CYP4F2: variants seen among roughly 807,000 people sequenced by gnomAD.
The protein encoded by CYP4F2 is cytochrome P450 family 4 subfamily F member 2.
Under a neutral mutation model 58.9 loss-of-function variants are expected in CYP4F2, and 58 were observed. That is an observed-to-expected ratio of 0.98 (90% CI 0.80 to 1.23). The LOEUF (loss-of-function observed/expected upper bound fraction) is 1.23. Among genes scored for constraint, CYP4F2 ranks in the 50% most tolerant of loss-of-function variants. CYP4F2 has a pLI of 0.00. For synonymous variants in CYP4F2, 287 were observed against 261.1 expected, an observed-to-expected ratio of 1.10 and a Z score of -0.95; for missense variants, 616 against 685.6, an observed-to-expected ratio of 0.90 and a Z score of 1.13.
chr19:15,886,554 T>C (rs1458275421), intron 7 of CYP4F2: 4 of 443,488 alleles, frequency 9.0e-6, no homozygotes, highest in Admixed American at 7.7e-5. Flanking sequence ...GACCCATGAA[T>C]ATTTTAATGA....
Position 15,878,875 on chromosome 19 carries a change from G to C in CYP4F2, c.1459C>G (p.Leu487Val). The part of the protein sequence containing the change: ...EMKVVLALTL[L>V]RFRVLPDHTE... The stretch of plus-strand genomic sequence containing the variant: ...TGGTCAGGCAGGACGCGGAAGCGCA[G>C]CAGCGTGAGCGCCAGGACCACCTTC... Residue 487 changes from leucine to valine, a missense_variant, in exon 13 of 13, where the codon CTG becomes GTG. Transcript: ENST00000221700. The C allele has an allele frequency of 1.2e-6, 2 of 1,614,028 alleles. No homozygotes were observed. Among genetic ancestry groups the C allele is most frequent in the Non-Finnish European group, 1.7e-6 (2 of 1,180,002 alleles).
rs777110454 is a variant in CYP4F2, at chr19:15,879,769, G to T, written c.1244C>A (p.Pro415His). The stretch of plus-strand genomic sequence containing the variant: ...CCCCGTGAGGCTGTGAGCACCTTTG[G>T]GGATGACCCGGCCGTCTGGGAGCAC... Reference protein sequence around the residue: ...DIVLPDGRVIPKGIICLISVF... With the variant: ...DIVLPDGRVIHKGIICLISVF... The change falls in exon 10 of 13, where the codon CCC becomes CAC. Residue 415 changes from proline to histidine, a missense_variant. Physicochemically the swap from Pro to His is moderately conservative, Grantham distance 77 (BLOSUM62 -2). Coordinates refer to ENST00000221700, the MANE Select transcript of CYP4F2 (RefSeq NM_001082.5). The T allele has an allele frequency of 9.9e-6, 16 of 1,614,022 alleles. No homozygotes were observed. Among genetic ancestry groups the T allele is most frequent in the Non-Finnish European group, 1.4e-5 (16 of 1,180,018 alleles).
intron 12 of CYP4F2, 97 bp from the exon 13 acceptor site, chr19:15,879,033 A>C (rs1474116118): frequency 1.6e-5 from 24 of 1,538,744 alleles, no homozygotes; most frequent in Non-Finnish European, 2.1e-5. Context: ...CCCCACCTAG[A>C]GCAGTTTGAG....
chr19:15,894,163 A>G (rs140106530), intron 3 of CYP4F2, among the ~76,000 whole-genome samples: 173 of 152,318 alleles, frequency 1.1e-3, no homozygotes, highest in African/African-American at 4.0e-3. Context: ...GCTCTGAACA[A>G]TAAAGTCACT....
rs111228770 is a variant in CYP4F2, at chr19:15,880,623, CAA to C, written c.1116-728_1116-727del. 1.0e-2 allele frequency among the ~76,000 whole-genome samples: 1,397 copies of C among 140,070 alleles called. 21 individuals carry two copies. The highest frequency in any genetic ancestry group is 0.033 in the African/African-American group (1,278 of 39,040). The allele number at this position is 140,070 out of a possible 152,430, so 91.9% of individuals were successfully genotyped here. ...AACCTGGGCGATAGAGACTGCATCT[CAA>C]AAAAAAAAAATCAATTTTAATACAC... is the stretch of plus-strand genomic sequence containing the variant. On this transcript the variant is annotated intron_variant, in intron 9 of 12. Transcript: ENST00000221700.
Position 15,878,836 on chromosome 19 carries a change from T to A in CYP4F2, c.1498A>T (p.Arg500Trp), listed in dbSNP as rs752600405. ...GCGCGCAGGACCAGCTCCGGCTTCC[T>A]GCGGGGCTCGGTGTGGTCAGGCAGG... ...RVLPDHTEPRRKPELVLRAEG... is the reference protein window; with the variant it reads ...RVLPDHTEPRWKPELVLRAEG... The change falls in exon 13 of 13, where the codon AGG (arginine) becomes TGG (tryptophan). Residue 500 changes from arginine to tryptophan, a missense_variant. Coordinates refer to ENST00000221700, the MANE Select transcript of CYP4F2 (RefSeq NM_001082.5). 6.2e-7 allele frequency: 1 copy of A among 1,614,020 alleles called. No individual in the cohort carries two copies. Among genetic ancestry groups the A allele is most frequent in the Non-Finnish European group, 8.5e-7 (1 of 1,179,968 alleles).
intron 9 of CYP4F2, among the ~76,000 whole-genome samples, chr19:15,883,557 G>A (rs1336605532): frequency 6.6e-6 from 1 of 152,134 alleles, no homozygotes; most frequent in Non-Finnish European, 1.5e-5. Context: ...CCACTGCAGA[G>A]AACAGCACAG....
rs763539865 is a variant in CYP4F2, at chr19:15,897,516, GGCCAGGA to G, written c.89_95del (p.Leu30ProfsTer43). The G allele has an allele frequency of 3.7e-5, 59 of 1,613,864 alleles. No individual in the cohort carries two copies. In the Middle Eastern group the frequency reaches 9.9e-4, roughly 27 times the overall value. ...AGGCGTAGGTCCAGGCCAGGACATG[GGCCAGGA>G]GCCAGGAGGCCCCGACCAGCAGGAG... On this transcript the variant is annotated frameshift_variant, in exon 2 of 13. Coordinates refer to ENST00000221700, the MANE Select transcript of CYP4F2 (RefSeq NM_001082.5). LOFTEE classifies it high-confidence loss of function.
chr19:15,884,111 G>A (rs2089361307), intron 9 of CYP4F2, among the ~76,000 whole-genome samples: 1 of 151,820 alleles, frequency 6.6e-6, no homozygotes, highest in Non-Finnish European at 1.5e-5. Flanking sequence ...AGGGAGGGAG[G>A]GAGGAAGGAA....
chr19:15,886,407 T>C, intron 7 of CYP4F2, 99 bp from the exon 8 acceptor site: 2 of 1,456,228 alleles, frequency 1.4e-6, no homozygotes, highest in Non-Finnish European at 1.9e-6. Flanking sequence ...TCTCTGAAGA[T>C]TCATCCTTTT....
rs780276229 is a variant in CYP4F2, at chr19:15,889,637, C to T, written c.704G>A (p.Arg235Lys). Residue 235 changes from arginine to lysine, a missense_variant, in exon 7 of 13, where the codon AGA (arginine) becomes AAA (lysine). Physicochemically the swap from Arg to Lys is conservative, Grantham distance 26. Coordinates refer to ENST00000221700, the MANE Select transcript of CYP4F2 (RefSeq NM_001082.5). ...AATATGCAGGAGGATCTCATGGTGTCTTTTTGATACAAGGGCACTGAGCTC... is the reference window on the plus strand; with the variant it reads ...AATATGCAGGAGGATCTCATGGTGTTTTTTTGATACAAGGGCACTGAGCTC... ...ILELSALVSK[R>K]HHEILLHIDF... The T allele has an allele frequency of 1.9e-6, 3 of 1,614,134 alleles. No individual in the cohort carries two copies. Among genetic ancestry groups the T allele is most frequent in the South Asian group, 1.1e-5 (1 of 91,082 alleles).
intron 7 of CYP4F2, among the ~76,000 whole-genome samples, 186 bp downstream of exon 7, chr19:15,889,237 C>G (rs2089400789): frequency 6.6e-6 from 1 of 152,178 alleles, no homozygotes; most frequent in South Asian, 2.1e-4. Flanking sequence ...CAGTTTCAAG[C>G]CTAGCAGCTC....
intron 9 of CYP4F2, among the ~76,000 whole-genome samples, chr19:15,880,643 T>C (rs549499499): frequency 1.3e-4 from 19 of 151,898 alleles, no homozygotes; most frequent in Admixed American, 1.0e-3. Context: ...AAATCAATTT[T>C]AATACACATT....
chr19:15,879,296 A>G lies in CYP4F2; in HGVS notation c.1397+50T>C, dbSNP rs745512946. 3 of 1,595,374 alleles carry G rather than the reference A, an allele frequency of 1.9e-6. No homozygotes were observed. In the Admixed American group the frequency reaches 5.2e-5, roughly 27 times the overall value. On this transcript the variant is annotated intron_variant, in intron 12 of 12. Coordinates refer to ENST00000221700, the MANE Select transcript of CYP4F2 (RefSeq NM_001082.5). ...CCCTTTTCCCCACTGTCATGCCCAG[A>G]CCCCTGCACCCATCAACCCGTTCCC...
At chr19:15,887,243 AATAAAC>A (rs1418364043) in intron 7 of CYP4F2, among the ~76,000 whole-genome samples, 2 of 151,738 alleles carry the variant, frequency 1.3e-5, no homozygotes, top group Admixed American at 6.6e-5. Flanking sequence ...CACAAATACA[AATAAAC>A]ATAGACATAG....
chr19:15,891,494 C>G (rs927069301), intron 5 of CYP4F2, among the ~76,000 whole-genome samples: 19 of 152,136 alleles, frequency 1.2e-4, no homozygotes, highest in African/African-American at 4.3e-4. Context: ...CTTCGCAAAA[C>G]CTTTGCCACA....
intron 3 of CYP4F2, chr19:15,893,929 G>T: frequency 4.0e-6 from 1 of 249,174 alleles, no homozygotes; most frequent in Non-Finnish European, 8.3e-6. Context: ...TAGGCTGTGA[G>T]AGAGAAGGAT....
rs1201871062 is a variant in CYP4F2 at position 15,878,639 on chromosome 19, G to T, written c.*132C>A. The T allele has an allele frequency of 8.8e-7, 1 of 1,135,998 alleles. No homozygotes were observed. The highest frequency in any genetic ancestry group is 1.2e-6 in the Non-Finnish European group (1 of 815,706). 70.4% of individuals were successfully genotyped at this position (1,135,998 alleles called of 1,614,324 possible). A position where few individuals can be genotyped will look rare whatever the true frequency, so the allele number is the denominator to read the frequency against. On this transcript the variant is annotated 3_prime_UTR_variant, in exon 13 of 13. Transcript: ENST00000221700. ...CAAGCGTCTTTCTGTTTGAACACTT[G>T]TCTCAATTATTTTGAGTAGATATCT... is the stretch of plus-strand genomic sequence containing the variant.
chr19:15,879,783 G>C lies in CYP4F2; in HGVS notation c.1230C>G (p.Asp410Glu), dbSNP rs959057648. ...RHVTQDIVLP[D>E]GRVIPKGIIC... The stretch of plus-strand genomic sequence containing the variant: ...GAGCACCTTTGGGGATGACCCGGCC[G>C]TCTGGGAGCACAATGTCCTGGGTGA... The change falls in exon 10 of 13, where the codon GAC becomes GAG. Residue 410 changes from aspartate (D) to glutamate (E), a missense_variant. By Grantham distance (45) the Asp-to-Glu change is conservative. Coordinates refer to ENST00000221700, the MANE Select transcript of CYP4F2 (RefSeq NM_001082.5). The C allele has an allele frequency of 6.2e-7, 1 of 1,614,116 alleles. No homozygotes were observed. The highest frequency in any genetic ancestry group is 1.7e-5 in the Admixed American group (1 of 60,006).
Sources: gnomAD v4.1 joint callset for allele counts (sites outside exome capture counted in the v4.1 genomes callset) on GRCh38, gnomAD v4.1.1 for gene constraint, MANE v1.5 for transcripts, NCBI Gene and HGNC (gene_info 2026-07-23, HGNC 2026-07-21) for gene names.